The following PIGU variants were observed in gnomAD, a reference collection of about 807,000 sequenced individuals.
PIGU encodes the protein phosphatidylinositol glycan anchor biosynthesis class U, also known as GPI-anchor transamidase component PIGU.
PIGU carries 24 observed loss-of-function variants against 49.9 expected under a neutral mutation model. The ratio of observed to expected loss-of-function variants is 0.48; its 90% confidence interval spans 0.35 to 0.68. PIGU has a LOEUF of 0.68. Among genes scored for constraint, PIGU ranks in the 30% least tolerant of loss-of-function variants. PIGU has a pLI of 0.01. For missense variants in PIGU, 490 were observed against 532.6 expected, an observed-to-expected ratio of 0.92 and a Z score of 0.79; for synonymous variants, 220 against 205.7, an observed-to-expected ratio of 1.07 and a Z score of -0.59.
intron 1 of PIGU, among the ~76,000 whole-genome samples, chr20:34,672,951 T>G (rs1330812935): frequency 6.7e-6 from 1 of 150,280 alleles, no homozygotes; most frequent in Non-Finnish European, 1.5e-5. Context: ...AAAGAACTGA[T>G]CATTCAAAAA....
chr20:34,660,785 A>T (rs1986906156), intron 1 of PIGU, among the ~76,000 whole-genome samples: 1 of 152,238 alleles, frequency 6.6e-6, no homozygotes, highest in Admixed American at 6.5e-5. Context: ...TAAGAGACTA[A>T]GGCGACAAAA....
At chr20:34,638,423 A>G (rs1986038849) in intron 4 of PIGU, among the ~76,000 whole-genome samples, 1 of 152,248 alleles carries the variant, frequency 6.6e-6, no homozygotes, top group Non-Finnish European at 1.5e-5. Flanking sequence ...TCATTAGACT[A>G]AGAGTTCCAT....
At position 34,634,667 on chromosome 20, in the gene PIGU, G is replaced by C. The variant is rs759505094; in HGVS notation, c.477C>G (p.Thr159=). The part of the protein sequence containing the change: ...YTILSCVAKS[T]CAINNTLIAF... ...CAATGAGGGTGTTGTTGATGGCACA[G>C]GTAGACTTGGCAACACAAGACAAAA... The change falls in exon 6 of 12, where the codon ACC becomes ACG. Residue 159 remains threonine, a synonymous_variant. Coordinates refer to ENST00000217446, the MANE Select transcript of PIGU (RefSeq NM_080476.5). 1 of 1,613,314 alleles carries C rather than the reference G, an allele frequency of 6.2e-7. No homozygotes were observed. The highest frequency in any genetic ancestry group is 1.7e-5 in the Admixed American group (1 of 59,988).
At chr20:34,575,006 G>C (rs1031063071) in intron 11 of PIGU, 98 bp downstream of exon 11, 11 of 1,493,528 alleles carry the variant, frequency 7.4e-6, no homozygotes, top group Admixed American at 3.6e-5. Context: ...CTTCACGTCT[G>C]CACCCCCCGG....
intron 6 of PIGU, among the ~76,000 whole-genome samples, chr20:34,632,558 G>T (rs1339089759): frequency 2.0e-5 from 3 of 151,702 alleles, no homozygotes; most frequent in Non-Finnish European, 4.4e-5. Flanking sequence ...GTAGAGATGG[G>T]GTTTCACCAT....
At chr20:34,652,901 A>G (rs896058281) in intron 2 of PIGU, among the ~76,000 whole-genome samples, 14 of 151,892 alleles carry the variant, frequency 9.2e-5, no homozygotes, top group African/African-American at 3.4e-4. Flanking sequence ...TGTTCCGTGT[A>G]CATTTGAAAA....
At chr20:34,625,299 C>T (rs1053622989) in intron 6 of PIGU, among the ~76,000 whole-genome samples, 4 of 145,124 alleles carry the variant, frequency 2.8e-5, no homozygotes, top group South Asian at 4.2e-4. Flanking sequence ...ACCCGGGAGG[C>T]AGAGGTTGTG....
At chr20:34,631,820 A>C (rs1985789792) in intron 6 of PIGU, among the ~76,000 whole-genome samples, 1 of 65,424 alleles carries the variant, frequency 1.5e-5, no homozygotes, top group Non-Finnish European at 3.0e-5. Flanking sequence ...TTTTTTTAGT[A>C]GAGACGGGGT....
intron 6 of PIGU, among the ~76,000 whole-genome samples, chr20:34,632,770 G>C (rs1045737857): frequency 4.6e-5 from 7 of 152,184 alleles, no homozygotes; most frequent in African/African-American, 1.7e-4. Context: ...TACAGAACAG[G>C]AGATTTATGA....
intron 1 of PIGU, among the ~76,000 whole-genome samples, chr20:34,667,199 T>C (rs918688093): frequency 6.6e-6 from 1 of 152,158 alleles, no homozygotes; most frequent in African/African-American, 2.4e-5. Flanking sequence ...AAGCATATCA[T>C]CCTGTATAAG....
intron 2 of PIGU, among the ~76,000 whole-genome samples, chr20:34,651,456 C>T (rs529560576): frequency 1.3e-5 from 2 of 152,340 alleles, no homozygotes; most frequent in South Asian, 4.1e-4. Flanking sequence ...TTTGTACTTT[C>T]CCCTCTGGGA....
At chr20:34,612,404 T>C (rs1188848888) in intron 7 of PIGU, among the ~76,000 whole-genome samples, 1 of 151,920 alleles carries the variant, frequency 6.6e-6, no homozygotes, top group Non-Finnish European at 1.5e-5. Flanking sequence ...ACCTAATGCA[T>C]GTGGGGCTTA....
At chr20:34,629,006 A>C (rs1235721115) in intron 6 of PIGU, among the ~76,000 whole-genome samples, 2 of 147,216 alleles carry the variant, frequency 1.4e-5, no homozygotes, top group Non-Finnish European at 3.0e-5. Flanking sequence ...CCCTGGGCTC[A>C]GCCATGTGTA....
chr20:34,589,369 G>A (rs1189366029), intron 7 of PIGU, among the ~76,000 whole-genome samples: 6 of 152,152 alleles, frequency 3.9e-5, no homozygotes, highest in Non-Finnish European at 1.5e-5. Flanking sequence ...GCTTTCCTTT[G>A]TTTGAGACAG....
At chr20:34,567,214 G>A (rs1423268660) in intron 11 of PIGU, among the ~76,000 whole-genome samples, 3 of 152,240 alleles carry the variant, frequency 2.0e-5, no homozygotes, top group Non-Finnish European at 2.9e-5. Context: ...GGAGGCTGGC[G>A]GCCGACTGTG....
chr20:34,612,960 C>G (rs1984877010), intron 7 of PIGU, among the ~76,000 whole-genome samples: 1 of 152,040 alleles, frequency 6.6e-6, no homozygotes, highest in East Asian at 1.9e-4. Context: ...GACTAATACA[C>G]CAGGCTACTT....
chr20:34,642,693 C>CATATATATATAT (rs11472795), intron 4 of PIGU, among the ~76,000 whole-genome samples: 7 of 120,292 alleles, frequency 5.8e-5, no homozygotes, highest in African/African-American at 2.2e-4. Context: ...ACACATATCT[C>CATATATATATAT]ATATATATAT....
At position 34,645,199 on chromosome 20, in the gene PIGU, AAAAAGAG is replaced by A; in HGVS notation, c.255+69_255+75del. On this transcript the variant is annotated intron_variant, in intron 3 of 11. Coordinates refer to ENST00000217446, the MANE Select transcript of PIGU (RefSeq NM_080476.5). Reference sequence around the variant, plus strand: ...TGAGACCCCATCTCAAAAAAAAAAAAAAAAGAGAGAGAGAGACAATAAACCATAAAAT... The same window carrying A: ...TGAGACCCCATCTCAAAAAAAAAAAAAGAGAGAGACAATAAACCATAAAAT... The A allele has an allele frequency of 2.1e-6, 3 of 1,405,832 alleles. No homozygotes were observed. The African/African-American group carries it at 4.5e-5, about 21-fold the overall frequency. The allele number at this position is 1,405,832 out of a possible 1,614,324, so 87.1% of individuals were successfully genotyped here.
chr20:34,614,704 A>G (rs1356643598), intron 7 of PIGU, among the ~76,000 whole-genome samples: 1 of 152,138 alleles, frequency 6.6e-6, no homozygotes, highest in Admixed American at 6.6e-5. Flanking sequence ...AAATAAAGAC[A>G]TATCTCAAAT....
Sources: allele counts gnomAD v4.1 joint callset (sites outside exome capture counted in the v4.1 genomes callset), GRCh38; gene constraint gnomAD v4.1.1; transcripts MANE v1.5; gene names NCBI Gene and HGNC (gene_info 2026-07-23, HGNC 2026-07-21).